Variants in TNFAIP2 observed in about 807,000 individuals in gnomAD.
TNFAIP2 encodes the protein TNF alpha induced protein 2.
A neutral mutation model predicts 63.5 loss-of-function variants in TNFAIP2; 47 were observed. The observed-to-expected ratio is 0.74, with a 90% CI of 0.59 to 0.94. The LOEUF is 0.94. Among genes scored for constraint, TNFAIP2 ranks in the 40% least tolerant of loss-of-function variants. The probability of loss-of-function intolerance (pLI) is 0.00; values close to 1 mark genes in which losing one functional copy is unlikely to be tolerated. For synonymous variants in TNFAIP2, 405 were observed against 390.2 expected, an observed-to-expected ratio of 1.04 and a Z score of -0.45; for missense variants, 787 against 850.2, an observed-to-expected ratio of 0.93 and a Z score of 0.92.
rs776706674 is a variant in TNFAIP2, at chr14:103,131,201, G to A, written c.1298+51G>A. ...GGAGTGGGAGTCACTCAGCGGGCAGGAGAGGGGAGCTGGAAGGTGGAGGGA... is the reference window on the plus strand; with the variant it reads ...GGAGTGGGAGTCACTCAGCGGGCAGAAGAGGGGAGCTGGAAGGTGGAGGGA... On this transcript the variant is annotated intron_variant, in intron 7 of 11. Transcript: ENST00000560869. This position sits in a 1 kb window ranked among gnomAD's most constrained non-coding sequence, Gnocchi z 4.0. 1.3e-6 allele frequency: 2 copies of A among 1,596,786 alleles called. No individual in the cohort carries two copies. The highest frequency in any genetic ancestry group is 1.3e-5 in the African/African-American group (1 of 74,596).
rs752188443 is a variant in TNFAIP2, at chr14:103,135,336, A to G, written c.1941A>G (p.Leu647=). ...SMGAQEPSRP[L]FSLIKVG Reference sequence around the variant, plus strand: ...GGGCGCAGGAGCCCTCCCGGCCCCTATTTTCCCTTATAAAGGTTGGTTAGC... The same window carrying G: ...GGGCGCAGGAGCCCTCCCGGCCCCTGTTTTCCCTTATAAAGGTTGGTTAGC... Residue 647 remains leucine (L), a synonymous_variant, in exon 12 of 12, where the codon CTA becomes CTG. Coordinates refer to ENST00000560869, the MANE Select transcript of TNFAIP2 (RefSeq NM_006291.4). This position sits in a 1 kb window ranked among gnomAD's most constrained non-coding sequence, Gnocchi z 7.6. The G allele has an allele frequency of 2.5e-6, 4 of 1,611,204 alleles. No individual in the cohort carries two copies. The highest frequency in any genetic ancestry group is 1.7e-5 in the Admixed American group (1 of 59,676).
rs1430135366 is a variant in TNFAIP2, at chr14:103,133,756, C to T, written c.1776C>T (p.Ala592=). ...AEIIRLQDPS[A]IKIEVATYAT... ...TCATTCGCCTGCAGGACCCCAGTGC[C>T]ATCAAGATTGAGGTGGCCACTTATG... The change falls in exon 11 of 12, where the codon GCC becomes GCT. Residue 592 remains alanine, a synonymous_variant. Transcript: ENST00000560869. The T allele has an allele frequency of 6.3e-7, 1 of 1,597,052 alleles. No homozygotes were observed. Among genetic ancestry groups the T allele is most frequent in the Admixed American group, 1.8e-5 (1 of 56,550 alleles).
In TNFAIP2 at chr14:103,131,059, C is replaced by A. The variant is rs1365550922; in HGVS notation, c.1207C>A (p.Arg403Ser). 3 of 1,614,024 alleles carry A rather than the reference C, an allele frequency of 1.9e-6. No individual in the cohort carries two copies. The highest frequency in any genetic ancestry group is 2.5e-6 in the Non-Finnish European group (3 of 1,180,034). The stretch of plus-strand genomic sequence containing the variant: ...CCCTTCTGGTTTCGCCAGCTACCAG[C>A]GCGCCTTTAATGAATTTCTGGAGAG... ...ELPAFLRSYQ[R>S]AFNEFLERGK... is the part of the protein sequence containing the mutation. Residue 403 changes from arginine (R) to serine (S), a missense_variant, in exon 7 of 12, where the codon CGC becomes AGC. By Grantham distance (110) the Arg-to-Ser change is moderately radical. This residue lies in a region of TNFAIP2 where 523 missense variants were observed against 604.1 expected (regional missense o/e 0.87). Transcript: ENST00000560869. The surrounding 1 kb of genome is among the most constrained non-coding windows in gnomAD (Gnocchi z 4.0).
At chr14:103,125,558 T>C (rs563267724) in intron 1 of TNFAIP2, among the ~76,000 whole-genome samples, 42 of 152,182 alleles carry the variant, frequency 2.8e-4, no homozygotes, top group African/African-American at 9.6e-4. Context: ...GATGCTACGA[T>C]CCCATTTGGG....
At position 103,133,822 on chromosome 14, in the gene TNFAIP2, T is replaced by A; in HGVS notation, c.1823+19T>A. 1 of 1,571,524 alleles carries A rather than the reference T, an allele frequency of 6.4e-7. No individual in the cohort carries two copies. Among genetic ancestry groups the A allele is most frequent in the Non-Finnish European group, 8.5e-7 (1 of 1,170,518 alleles). On this transcript the variant is annotated intron_variant, in intron 11 of 11. Transcript: ENST00000560869. The stretch of plus-strand genomic sequence containing the variant: ...ACTTCAGGTGAGAACCTGGGGCACC[T>A]CAGGACCACTGTCACATCACTGTGG...
chr14:103,122,477 G>A, upstream of TNFAIP2: 2 of 351,068 alleles, frequency 5.7e-6, no homozygotes, highest in African/African-American at 2.1e-5. Context: ...AAATGTCTGG[G>A]TCCTTTCCAG....
intron 3 of TNFAIP2, among the ~76,000 whole-genome samples, chr14:103,128,022 C>T (rs2087898189): frequency 6.6e-6 from 1 of 152,148 alleles, no homozygotes; most frequent in Admixed American, 6.5e-5. Context: ...AGGCCAGGCC[C>T]CGTGCAGAGC....
chr14:103,131,003 GT>G lies in TNFAIP2; in HGVS notation c.1200-48del. The G allele has an allele frequency of 6.3e-7, 1 of 1,591,298 alleles. No homozygotes were observed. Among genetic ancestry groups the G allele is most frequent in the Non-Finnish European group, 8.6e-7 (1 of 1,160,460 alleles). ...GGAGGGCAGGGAGGCTGCTGCTGTG[GT>G]CCCAGTGTTTGGGCTGGTCCTGAAT... On this transcript the variant is annotated intron_variant, in intron 6 of 11. Coordinates refer to ENST00000560869, the MANE Select transcript of TNFAIP2 (RefSeq NM_006291.4). This position sits in a 1 kb window ranked among gnomAD's most constrained non-coding sequence, Gnocchi z 4.0.
upstream of TNFAIP2, chr14:103,123,345 G>T (rs914626102): frequency 6.6e-6 from 1 of 152,278 alleles, no homozygotes; most frequent in African/African-American, 2.4e-5. Flanking sequence ...GGCCGCGCTG[G>T]GCCTTGGCCT....
Position 103,135,844 on chromosome 14 carries a change from G to A in TNFAIP2, c.*484G>A, listed in dbSNP as rs1286739416. 9 of 1,291,448 alleles carry A rather than the reference G, an allele frequency of 7.0e-6. No individual in the cohort carries two copies. The highest frequency in any genetic ancestry group is 9.1e-6 in the Non-Finnish European group (9 of 990,326). 80.0% of individuals were successfully genotyped at this position (1,291,448 alleles called of 1,614,324 possible). Reference sequence around the variant, plus strand: ...CCGTGAGCGGGATTCAGCAATGGTGGAATGGAAGACAGAACTGGAAGAGAA... The same window carrying A: ...CCGTGAGCGGGATTCAGCAATGGTGAAATGGAAGACAGAACTGGAAGAGAA... On this transcript the variant is annotated 3_prime_UTR_variant, in exon 12 of 12. Transcript: ENST00000560869. The surrounding 1 kb of genome is among the most constrained non-coding windows in gnomAD (Gnocchi z 7.6).
chr14:103,129,813 C>G lies in TNFAIP2; in HGVS notation c.934C>G (p.Gln312Glu), dbSNP rs2087932923. 1 of 1,613,942 alleles carries G rather than the reference C, an allele frequency of 6.2e-7. No individual in the cohort carries two copies. ...GCTCGGGAGCCTCCTGCCCCCCAGG[C>G]AGATCCGACTGCTGGAGGCCACATT... Reference protein sequence around the residue: ...MGLGSLLPPRQIRLLEATFLS... With the variant: ...MGLGSLLPPREIRLLEATFLS... The change falls in exon 4 of 12, where the codon CAG becomes GAG. Residue 312 changes from glutamine (Q) to glutamate (E), a missense_variant. This residue lies in a region of TNFAIP2 where 523 missense variants were observed against 604.1 expected (regional missense o/e 0.87). Coordinates refer to ENST00000560869, the MANE Select transcript of TNFAIP2 (RefSeq NM_006291.4).
chr14:103,131,684 C>A lies in TNFAIP2; in HGVS notation c.1344C>A (p.Ser448Arg), dbSNP rs61706103. The change falls in exon 8 of 12, where the codon AGC (serine) becomes AGA (arginine). Residue 448 changes from serine to arginine, a missense_variant. Coordinates refer to ENST00000560869, the MANE Select transcript of TNFAIP2 (RefSeq NM_006291.4). The surrounding 1 kb of genome is among the most constrained non-coding windows in gnomAD (Gnocchi z 4.0). ...QNWQVPQDTL[S>R]LLLGPLGELK... ...GGCAGGTACCCCAGGACACCCTGAG[C>A]CTCCTGCTGGGCCCCCTGGGTGAGC... 1.3e-3 allele frequency: 2,031 copies of A among 1,607,558 alleles called. 20 individuals are homozygous for A. The African/African-American group carries it at 0.023, about 18-fold the overall frequency.
rs2087868606 is a variant in TNFAIP2 at position 103,127,017 on chromosome 14, A to T, written c.248A>T (p.Lys83Met). The T allele has an allele frequency of 8.4e-7, 1 of 1,191,072 alleles. No homozygotes were observed. Among genetic ancestry groups the T allele is most frequent in the Non-Finnish European group, 1.0e-6 (1 of 959,370 alleles). The allele number at this position is 1,191,072 out of a possible 1,614,324, so 73.8% of individuals were successfully genotyped here. A position where few individuals can be genotyped will look rare whatever the true frequency, so the allele number is the denominator to read the frequency against. ...TTTCCCGGCGCAGTGGAGGAGCTGA[A>T]GGCGGCGCTGGAGCGCGGGCAGCTG... is the stretch of plus-strand genomic sequence containing the variant. Reference protein sequence around the residue: ...DGPPPTVEELKAALERGQLEA... With the variant: ...DGPPPTVEELMAALERGQLEA... The change falls in exon 3 of 12, where the codon AAG becomes ATG. Residue 83 changes from lysine (K) to methionine (M), a missense_variant. Physicochemically the swap from Lys to Met is moderately conservative, Grantham distance 95. Transcript: ENST00000560869. This position sits in a 1 kb window ranked among gnomAD's most constrained non-coding sequence, Gnocchi z 5.1.
chr14:103,122,822 G>A (rs1356691815), upstream of TNFAIP2: 2 of 454,270 alleles, frequency 4.4e-6, no homozygotes, highest in East Asian at 7.0e-5. Context: ...ACCCCACTCC[G>A]CTACTTAAAG....
In TNFAIP2 at chr14:103,127,693, A is replaced by AGGGGTGTCGC. The variant is rs2087891204; in HGVS notation, c.860+73_860+74insCGGGGTGTCG. 7.2e-7 allele frequency: 1 copy of AGGGGTGTCGC among 1,396,594 alleles called. No homozygotes were observed. The highest frequency in any genetic ancestry group is 1.5e-5 in the African/African-American group (1 of 68,664). The allele number at this position is 1,396,594 out of a possible 1,614,324, so 86.5% of individuals were successfully genotyped here. Reference sequence around the variant, plus strand: ...GGTGTCCTCTGTAGGAGGGGTGTCGAGGGGTGTCGAGGTGTGCCGCCGGCA... The same window carrying AGGGGTGTCGC: ...GGTGTCCTCTGTAGGAGGGGTGTCGAGGGGTGTCGCGGGGTGTCGAGGTGTGCCGCCGGCA... On this transcript the variant is annotated intron_variant, in intron 3 of 11. Coordinates refer to ENST00000560869, the MANE Select transcript of TNFAIP2 (RefSeq NM_006291.4). The surrounding 1 kb of genome is among the most constrained non-coding windows in gnomAD (Gnocchi z 5.1).
chr14:103,134,131 G>A (rs2088047083), intron 11 of TNFAIP2, among the ~76,000 whole-genome samples: 1 of 152,360 alleles, frequency 6.6e-6, no homozygotes. Context: ...GCTTCACCCA[G>A]CCTGGGGGGC....
chr14:103,133,189 C>T (rs373656880), intron 9 of TNFAIP2, among the ~76,000 whole-genome samples, 173 bp from the exon 10 acceptor site: 2 of 151,674 alleles, frequency 1.3e-5, no homozygotes, highest in African/African-American at 4.9e-5. Context: ...TGAACACACA[C>T]GCATGTGAAC....
chr14:103,130,942 C>T, intron 6 of TNFAIP2, 110 bp from the exon 7 acceptor site: 1 of 1,134,044 alleles, frequency 8.8e-7, no homozygotes, highest in East Asian at 2.4e-5. Flanking sequence ...TGGCTATGGG[C>T]AGCCAAACAG....
Position 103,131,512 on chromosome 14 carries a change from C to T in TNFAIP2, c.1299-127C>T, listed in dbSNP as rs2087972544. 7.6e-7 allele frequency: 1 copy of T among 1,318,648 alleles called. No homozygotes were observed. Among genetic ancestry groups the T allele is most frequent in the Admixed American group, 2.7e-5 (1 of 37,450 alleles). The allele number at this position is 1,318,648 out of a possible 1,614,324, so 81.7% of individuals were successfully genotyped here. On this transcript the variant is annotated intron_variant, in intron 7 of 11. Coordinates refer to ENST00000560869, the MANE Select transcript of TNFAIP2 (RefSeq NM_006291.4). The surrounding 1 kb of genome is among the most constrained non-coding windows in gnomAD (Gnocchi z 4.0). ...GGCATGGAGAACATGGATGGGAGGA[C>T]TTGATCCCATAGAGAATGGGGAGCC...
Sources: allele counts gnomAD v4.1 joint callset (sites outside exome capture counted in the v4.1 genomes callset), GRCh38; gene constraint gnomAD v4.1.1; regional missense constraint gnomAD v4.1.1; non-coding constraint Gnocchi (gnomAD v3.1); transcripts MANE v1.5; gene names NCBI Gene and HGNC (gene_info 2026-07-23, HGNC 2026-07-21).